Variants in SQOR observed in about 807,000 individuals in gnomAD.
SQOR encodes the protein sulfide:quinone oxidoreductase, mitochondrial.
Under a neutral mutation model 48.6 loss-of-function variants are expected in SQOR, and 39 were observed. That is an observed-to-expected ratio of 0.80 (90% CI 0.62 to 1.05). The LOEUF is 1.05. Ranked by LOEUF, SQOR falls within the 50% of genes least tolerant of loss-of-function variation. SQOR has a pLI of 0.00. For missense variants in SQOR, 561 were observed against 559.9 expected (o/e 1.00, Z -0.02); for synonymous variants, 220 against 206.2 (o/e 1.07, Z -0.57).
intron 1 of SQOR, among the ~76,000 whole-genome samples, chr15:45,645,614 G>A (rs1036954262): frequency 2.6e-5 from 4 of 152,152 alleles, no homozygotes; most frequent in Non-Finnish European, 4.4e-5. Flanking sequence ...CTGGGATATC[G>A]GATGTTCTTC....
At chr15:45,686,956 C>T (rs559867852) in intron 7 of SQOR, among the ~76,000 whole-genome samples, 31 of 151,416 alleles carry the variant, frequency 2.0e-4, no homozygotes, top group South Asian at 4.2e-4. Context: ...ATTACAGGAG[C>T]GACACCACGC....
intron 2 of SQOR, 26 bp downstream of exon 2, chr15:45,659,183 GGTGTGTGTGTACGTGTGT>G: frequency 6.7e-7 from 1 of 1,482,764 alleles, no homozygotes. Flanking sequence ...TGAGGGCCTG[GGTGTGTGTGTACGTGTGT>G]GTGTGTGTGA....
chr15:45,662,236 T>G, intron 3 of SQOR, 111 bp downstream of exon 3: 2 of 1,144,282 alleles, frequency 1.7e-6, no homozygotes, highest in Non-Finnish European at 2.5e-6. Flanking sequence ...TGCATGTGTG[T>G]GCATGAACGT....
At chr15:45,678,868 A>G (rs1352339278) in intron 6 of SQOR, among the ~76,000 whole-genome samples, 1 of 152,172 alleles carries the variant, frequency 6.6e-6, no homozygotes, top group Non-Finnish European at 1.5e-5. Context: ...CAAATGGGCT[A>G]TGAGTGAGAG....
chr15:45,684,927 A>G (rs1376080763), intron 7 of SQOR, among the ~76,000 whole-genome samples: 1 of 152,090 alleles, frequency 6.6e-6, no homozygotes, highest in South Asian at 2.1e-4. Context: ...CATTGTTTTT[A>G]CATTTGTGTC....
chr15:45,664,029 A>G lies in SQOR; in HGVS notation c.405+1904A>G, dbSNP rs571226878. Among the ~76,000 whole-genome samples, 271 of 152,328 alleles carry G rather than the reference A, an allele frequency of 1.8e-3. 1 individual carries two copies. Among genetic ancestry groups the G allele is most frequent in the African/African-American group, 6.4e-3 (266 of 41,586 alleles). On this transcript the variant is annotated intron_variant, in intron 3 of 9. Coordinates refer to ENST00000260324, the MANE Select transcript of SQOR (RefSeq NM_021199.4). ...TAAGTAAATTATATAGTATGTTAGA[A>G]TGTGATGGTTATTCATGAAAAAAAA...
intron 6 of SQOR, among the ~76,000 whole-genome samples, chr15:45,679,196 C>T (rs1305527423): frequency 1.3e-5 from 2 of 152,138 alleles, no homozygotes; most frequent in East Asian, 1.9e-4. Flanking sequence ...ATATTTAGTT[C>T]CACTCTTAAA....
At chr15:45,647,655 C>A (rs935050286) in intron 1 of SQOR, among the ~76,000 whole-genome samples, 1 of 151,446 alleles carries the variant, frequency 6.6e-6, no homozygotes, top group African/African-American at 2.4e-5. Context: ...TGGCTCAGGC[C>A]GGTAAATCGC....
intron 3 of SQOR, among the ~76,000 whole-genome samples, chr15:45,664,786 A>G (rs543547650): frequency 6.6e-6 from 1 of 152,310 alleles, no homozygotes; most frequent in Non-Finnish European, 1.5e-5. Flanking sequence ...TTTTACCTAA[A>G]GGCAGAAATG....
intron 6 of SQOR, among the ~76,000 whole-genome samples, chr15:45,678,656 G>C (rs16946942): frequency 0.089 from 13,458 of 151,914 alleles, 708 homozygotes; most frequent in African/African-American, 0.14. Flanking sequence ...AATAGCTCCT[G>C]TGTAGTTATG....
intron 3 of SQOR, among the ~76,000 whole-genome samples, chr15:45,668,264 T>C (rs768760085): frequency 6.6e-6 from 1 of 152,170 alleles, no homozygotes; most frequent in Non-Finnish European, 1.5e-5. Context: ...TTTCTATGGA[T>C]AGGCAAAACA....
intron 1 of SQOR, among the ~76,000 whole-genome samples, chr15:45,638,896 AG>A (rs1895058852): frequency 6.6e-6 from 1 of 152,204 alleles, no homozygotes. Context: ...TCTGCAAACC[AG>A]GGAGAGAGAT....
At chr15:45,685,384 G>A (rs535497984) in intron 7 of SQOR, among the ~76,000 whole-genome samples, 3 of 152,094 alleles carry the variant, frequency 2.0e-5, no homozygotes, top group African/African-American at 4.8e-5. Context: ...GATTGTGAGC[G>A]AGACCCATCT....
At chr15:45,652,331 GTGATTGAT>G (rs926122244) in intron 1 of SQOR, among the ~76,000 whole-genome samples, 4 of 151,140 alleles carry the variant, frequency 2.6e-5, no homozygotes, top group Non-Finnish European at 5.9e-5. Flanking sequence ...CTTCCATTGA[GTGATTGAT>G]TGATTGATTG....
At chr15:45,676,709 T>C (rs1289436841) in intron 6 of SQOR, among the ~76,000 whole-genome samples, 1 of 152,200 alleles carries the variant, frequency 6.6e-6, no homozygotes, top group Non-Finnish European at 1.5e-5. Flanking sequence ...GAAACAGTCC[T>C]GCTTGTGAGC....
At chr15:45,641,744 T>G (rs1012330277) in intron 1 of SQOR, among the ~76,000 whole-genome samples, 19 of 152,206 alleles carry the variant, frequency 1.2e-4, no homozygotes, top group African/African-American at 2.7e-4. Flanking sequence ...GTGCTTTCCT[T>G]CTCCCTCACA....
At chr15:45,652,693 C>T (rs984257877) in intron 1 of SQOR, among the ~76,000 whole-genome samples, 10 of 127,300 alleles carry the variant, frequency 7.9e-5, no homozygotes, top group African/African-American at 2.7e-4. Flanking sequence ...TGTGGCTGGC[C>T]GGGCACGGTG....
Position 45,690,840 on chromosome 15 carries a change from C to T in SQOR, c.1296-133C>T, listed in dbSNP as rs1377635688. The T allele has an allele frequency of 3.8e-6, 3 of 788,960 alleles. No individual in the cohort carries two copies. In the African/African-American group the frequency reaches 5.1e-5, roughly 13 times the overall value. The allele number at this position is 788,960 out of a possible 1,614,324, so 48.9% of individuals were successfully genotyped here. A position where few individuals can be genotyped will look rare whatever the true frequency, so the allele number is the denominator to read the frequency against. ...TCCTAGTCATGGGATCTCTCCAACT[C>T]ACTAGACAATCTTGCTTTACGTGCT... On this transcript the variant is annotated intron_variant, in intron 9 of 9. Coordinates refer to ENST00000260324, the MANE Select transcript of SQOR (RefSeq NM_021199.4).
intron 5 of SQOR, 54 bp from the exon 6 acceptor site, chr15:45,676,047 A>G (rs1890029592): frequency 6.5e-7 from 1 of 1,529,160 alleles, no homozygotes; most frequent in Admixed American, 2.1e-5. Context: ...ATTAAAAAAA[A>G]AAAAGGCAGC....
Sources: gnomAD v4.1 joint callset for allele counts (sites outside exome capture counted in the v4.1 genomes callset) on GRCh38, gnomAD v4.1.1 for gene constraint, MANE v1.5 for transcripts, NCBI Gene and HGNC (gene_info 2026-07-23, HGNC 2026-07-21) for gene names.